Variants in AGPAT4 observed in about 807,000 individuals in gnomAD.
The protein encoded by AGPAT4 is 1-acyl-sn-glycerol-3-phosphate acyltransferase delta.
AGPAT4 carries 15 observed loss-of-function variants against 48.0 expected under a neutral mutation model. The observed-to-expected ratio is 0.31, with a 90% confidence interval of 0.21 to 0.48. The LOEUF (loss-of-function observed/expected upper bound fraction) is 0.48. Ranked by LOEUF, AGPAT4 falls within the 20% of genes least tolerant of loss-of-function variation. AGPAT4 has a pLI of 0.99. For synonymous variants in AGPAT4, 178 were observed against 198.7 expected (o/e 0.90, Z 0.88); for missense variants, 314 against 482.5 (o/e 0.65, Z 3.27).
In AGPAT4 at chr6:161,130,771, C is replaced by T. The variant is rs775296812; in HGVS notation, c.*5769G>A. ...TAGCCTTGGCACAGCTGAGGCCATGCCATTGCTACCCGGAAGCTGGCTCTG... is the reference window on the plus strand; with the variant it reads ...TAGCCTTGGCACAGCTGAGGCCATGTCATTGCTACCCGGAAGCTGGCTCTG... On this transcript the variant is annotated 3_prime_UTR_variant, in exon 9 of 9. Coordinates refer to ENST00000320285, the MANE Select transcript of AGPAT4 (RefSeq NM_020133.3). The T allele has an allele frequency of 2.0e-5, 10 of 498,336 alleles. No individual in the cohort carries two copies. Among genetic ancestry groups the T allele is most frequent in the African/African-American group, 3.9e-5 (2 of 51,704 alleles). 30.9% of individuals were successfully genotyped at this position (498,336 alleles called of 1,614,324 possible).
rs1329963880 is a variant in AGPAT4, at chr6:161,178,142, A to G, written c.179-11725T>C. Among the ~76,000 whole-genome samples, 1 of 152,152 alleles carries G rather than the reference A, an allele frequency of 6.6e-6. No individual in the cohort carries two copies. Among genetic ancestry groups the G allele is most frequent in the Non-Finnish European group, 1.5e-5 (1 of 68,022 alleles). On this transcript the variant is annotated intron_variant, in intron 2 of 8. Transcript: ENST00000320285. The surrounding 1 kb of genome is among the most constrained non-coding windows in gnomAD (Gnocchi z 5.1). ...CAGTCTGTCCATTCTCAGATCTCAA[A>G]TTCTGTGCTGGGAGAACCACTACTC...
rs759894401 is a variant in AGPAT4, at chr6:161,270,642, C to T, written c.-90+3296G>A. On this transcript the variant is annotated intron_variant, in intron 1 of 8. Coordinates refer to ENST00000320285, the MANE Select transcript of AGPAT4 (RefSeq NM_020133.3). This position sits in a 1 kb window ranked among gnomAD's most constrained non-coding sequence, Gnocchi z 5.3. Reference sequence around the variant, plus strand: ...AAAAATAAAAAATAAATTAGCTGGGCGTGGTGCCACATGCTTGTGATCCCA... The same window carrying T: ...AAAAATAAAAAATAAATTAGCTGGGTGTGGTGCCACATGCTTGTGATCCCA... Among the ~76,000 whole-genome samples the T allele has an allele frequency of 5.3e-5, 8 of 152,128 alleles. No individual in the cohort carries two copies. The highest frequency in any genetic ancestry group is 7.2e-5 in the African/African-American group (3 of 41,504).
In AGPAT4 at chr6:161,139,435, G is replaced by A. The variant is rs374473460; in HGVS notation, c.1029C>T (p.Leu343=). 2.8e-5 allele frequency: 45 copies of A among 1,613,866 alleles called. No individual in the cohort carries two copies. The highest frequency in any genetic ancestry group is 4.0e-5 in the African/African-American group (3 of 74,920). Reference sequence around the variant, plus strand: ...CCCTCCACTCACCCACAAAGAAGACGAGGATGAAGCTGGCCAGCGTCAGGG... The same window carrying A: ...CCCTCCACTCACCCACAAAGAAGACAAGGATGAAGCTGGCCAGCGTCAGGG... ...GSSLTLASFI[L]VFFVASVGVR... The change falls in exon 8 of 9, where the codon CTC becomes CTT. Residue 343 remains leucine (L), a synonymous_variant. Transcript: ENST00000320285. This position sits in a 1 kb window ranked among gnomAD's most constrained non-coding sequence, Gnocchi z 9.1.
intron 1 of AGPAT4, among the ~76,000 whole-genome samples, chr6:161,258,941 C>T (rs1383431563): frequency 5.3e-5 from 8 of 151,708 alleles, no homozygotes; most frequent in South Asian, 4.2e-4. Flanking sequence ...GGATTACAGG[C>T]GCCCGCCACC....
intron 2 of AGPAT4, among the ~76,000 whole-genome samples, chr6:161,203,837 T>C (rs1208433962): frequency 2.6e-5 from 4 of 152,188 alleles, no homozygotes; most frequent in Admixed American, 1.3e-4. Context: ...TATATGCCAT[T>C]TCTCCACCCC....
At chr6:161,256,989 T>A (rs780617375) in intron 1 of AGPAT4, among the ~76,000 whole-genome samples, 2 of 152,234 alleles carry the variant, frequency 1.3e-5, no homozygotes, top group Non-Finnish European at 2.9e-5. Context: ...ACCAGCCACC[T>A]TAGCCAGTGG....
In AGPAT4 at chr6:161,236,864, T is replaced by A. The variant is rs529163876; in HGVS notation, c.-89-4562A>T. 2.1e-3 allele frequency among the ~76,000 whole-genome samples: 318 copies of A among 152,236 alleles called. 1 individual carries two copies. The highest frequency in any genetic ancestry group is 7.1e-3 in the African/African-American group (296 of 41,528). ...TTGCAGTGAGCCGAGATTGTGCCAC[T>A]GCACTCCAGCCTGGGCGACAGAGTG... On this transcript the variant is annotated intron_variant, in intron 1 of 8. Transcript: ENST00000320285. The surrounding 1 kb of genome is among the most constrained non-coding windows in gnomAD (Gnocchi z 5.0).
At position 161,236,018 on chromosome 6, in the gene AGPAT4, T is replaced by C. The variant is rs534977298; in HGVS notation, c.-89-3716A>G. On this transcript the variant is annotated intron_variant, in intron 1 of 8. Transcript: ENST00000320285. The surrounding 1 kb of genome is among the most constrained non-coding windows in gnomAD (Gnocchi z 5.0). ...CATGTCATGCCGAGGAAAGATGGTA[T>C]AAATATCTGGCCAGCGATGAAAATA... is the stretch of plus-strand genomic sequence containing the variant. Among the ~76,000 whole-genome samples, 69 of 152,340 alleles carry C rather than the reference T, an allele frequency of 4.5e-4. No individual in the cohort carries two copies. The highest frequency in any genetic ancestry group is 8.4e-4 in the Non-Finnish European group (57 of 68,026).
Position 161,259,254 on chromosome 6 carries a change from ATCTAT to A in AGPAT4, c.-90+14679_-90+14683del. 6.6e-6 allele frequency among the ~76,000 whole-genome samples: 1 copy of A among 152,260 alleles called. No individual in the cohort carries two copies. Among genetic ancestry groups the A allele is most frequent in the Non-Finnish European group, 1.5e-5 (1 of 68,030 alleles). ...TTTTCTTATGATGAGAAAGTTTAAA[ATCTAT>A]TCTTTTAGTAATGTTTAAATACACA... On this transcript the variant is annotated intron_variant, in intron 1 of 8. Transcript: ENST00000320285. This position sits in a 1 kb window ranked among gnomAD's most constrained non-coding sequence, Gnocchi z 4.9.
Position 161,225,904 on chromosome 6 carries a change from C to A in AGPAT4, c.178+6132G>T, listed in dbSNP as rs1206198039. 6.6e-6 allele frequency among the ~76,000 whole-genome samples: 1 copy of A among 152,162 alleles called. No homozygotes were observed. Among genetic ancestry groups the A allele is most frequent in the Non-Finnish European group, 1.5e-5 (1 of 68,036 alleles). ...AGGCGGGTCTGAGAGGCTTTAAATT[C>A]CCTTCATCATGGGTCACGGGTCTTT... On this transcript the variant is annotated intron_variant, in intron 2 of 8. Coordinates refer to ENST00000320285, the MANE Select transcript of AGPAT4 (RefSeq NM_020133.3). The surrounding 1 kb of genome is among the most constrained non-coding windows in gnomAD (Gnocchi z 5.0).
At chr6:161,182,858 C>T (rs550685715) in intron 2 of AGPAT4, among the ~76,000 whole-genome samples, 5 of 152,324 alleles carry the variant, frequency 3.3e-5, no homozygotes, top group African/African-American at 9.6e-5. Context: ...AGCACATGGA[C>T]GCGGAGTGGA....
At chr6:161,237,725 T>A (rs142042069) in intron 1 of AGPAT4, among the ~76,000 whole-genome samples, 2 of 152,294 alleles carry the variant, frequency 1.3e-5, no homozygotes, top group Non-Finnish European at 2.9e-5. Flanking sequence ...TTATGGCTGA[T>A]CTCCTTTTCT....
Position 161,231,612 on chromosome 6 carries a change from A to G in AGPAT4, c.178+424T>C, listed in dbSNP as rs1445606722. Among the ~76,000 whole-genome samples, 5 of 152,184 alleles carry G rather than the reference A, an allele frequency of 3.3e-5. No homozygotes were observed. The highest frequency in any genetic ancestry group is 1.3e-4 in the Admixed American group (2 of 15,280). ...AAGGCAAGGAAGAAAACAATATAGT[A>G]TACTGCCACTTAGTTTTTTAAAAAA... On this transcript the variant is annotated intron_variant, in intron 2 of 8. Coordinates refer to ENST00000320285, the MANE Select transcript of AGPAT4 (RefSeq NM_020133.3). The surrounding 1 kb of genome is among the most constrained non-coding windows in gnomAD (Gnocchi z 5.3).
At chr6:161,176,919 A>G (rs1583304570) in intron 2 of AGPAT4, among the ~76,000 whole-genome samples, 2 of 152,288 alleles carry the variant, frequency 1.3e-5, no homozygotes, top group Admixed American at 1.3e-4. Context: ...TTGGCTGGAT[A>G]TGAAATTCTG....
chr6:161,136,488 C>T lies in AGPAT4; in HGVS notation c.*52G>A. On this transcript the variant is annotated 3_prime_UTR_variant, in exon 9 of 9. Coordinates refer to ENST00000320285, the MANE Select transcript of AGPAT4 (RefSeq NM_020133.3). The stretch of plus-strand genomic sequence containing the variant: ...ACCGTGTCCCACTAAGGAGGATATG[C>T]AGAGGCCACCAGTTCCCCAAGGTTC... 6.5e-7 allele frequency: 1 copy of T among 1,539,710 alleles called. No homozygotes were observed. The highest frequency in any genetic ancestry group is 9.0e-7 in the Non-Finnish European group (1 of 1,114,450).
Position 161,198,914 on chromosome 6 carries a change from AAT to A in AGPAT4, c.179-32499_179-32498del, listed in dbSNP as rs1781141988. Among the ~76,000 whole-genome samples, 1 of 152,180 alleles carries A rather than the reference AAT, an allele frequency of 6.6e-6. No individual in the cohort carries two copies. The highest frequency in any genetic ancestry group is 6.5e-5 in the Admixed American group (1 of 15,286). On this transcript the variant is annotated intron_variant, in intron 2 of 8. Coordinates refer to ENST00000320285, the MANE Select transcript of AGPAT4 (RefSeq NM_020133.3). This position sits in a 1 kb window ranked among gnomAD's most constrained non-coding sequence, Gnocchi z 4.3. ...TATTTTAAACTCCAGAAACTCCTCA[AAT>A]ATATGTCAGAATTACTGCTGATATC...
In AGPAT4 at chr6:161,252,704, GA is replaced by G. The variant is rs1185158697; in HGVS notation, c.-89-20403del. Among the ~76,000 whole-genome samples, 5 of 152,136 alleles carry G rather than the reference GA, an allele frequency of 3.3e-5. No homozygotes were observed. In the East Asian group the frequency reaches 9.7e-4, roughly 29 times the overall value. On this transcript the variant is annotated intron_variant, in intron 1 of 8. Transcript: ENST00000320285. Reference sequence around the variant, plus strand: ...GCACATCTGTGGTCCCAGTCACTCAGAAGGCTGAGGTGGGAGGATCACCTGA... The same window carrying G: ...GCACATCTGTGGTCCCAGTCACTCAGAGGCTGAGGTGGGAGGATCACCTGA...
Position 161,255,398 on chromosome 6 carries a change from ATC to A in AGPAT4, c.-90+18538_-90+18539del, listed in dbSNP as rs1047107782. ...CTACTCAGGAGAAATGAAAACACAC[ATC>A]CACACAAAATCTTGTACACCCACGT... On this transcript the variant is annotated intron_variant, in intron 1 of 8. Coordinates refer to ENST00000320285, the MANE Select transcript of AGPAT4 (RefSeq NM_020133.3). This position sits in a 1 kb window ranked among gnomAD's most constrained non-coding sequence, Gnocchi z 4.7. Among the ~76,000 whole-genome samples the A allele has an allele frequency of 6.6e-6, 1 of 152,206 alleles. No individual in the cohort carries two copies. Among genetic ancestry groups the A allele is most frequent in the Non-Finnish European group, 1.5e-5 (1 of 68,044 alleles).
intron 3 of AGPAT4, chr6:161,160,839 T>A (rs1339511406): frequency 5.4e-6 from 2 of 370,826 alleles, no homozygotes; most frequent in Non-Finnish European, 1.1e-5. Context: ...GCCCCGCAGA[T>A]GGGAAGGCAG....
Sources: allele counts gnomAD v4.1 joint callset (sites outside exome capture counted in the v4.1 genomes callset), GRCh38; gene constraint gnomAD v4.1.1; non-coding constraint Gnocchi (gnomAD v3.1); transcripts MANE v1.5; gene names NCBI Gene and HGNC (gene_info 2026-07-23, HGNC 2026-07-21).